Variants in DGKB observed in about 807,000 individuals in gnomAD.
DGKB encodes diacylglycerol kinase beta.
In DGKB, 67 loss-of-function variants were observed where a neutral mutation model predicts 114.3. That is an observed-to-expected ratio of 0.59 (90% CI 0.48 to 0.72). DGKB has a LOEUF of 0.72. Among genes scored for constraint, DGKB ranks in the 30% least tolerant of loss-of-function variants. The pLI is 0.00. For missense variants in DGKB, 907 were observed against 975.2 expected (o/e 0.93, Z 0.93); for synonymous variants, 398 against 323.1 (o/e 1.23, Z -2.49).
chr7:14,962,578 A>T (rs1254061814), intron 1 of DGKB, among the ~76,000 whole-genome samples: 2 of 151,802 alleles, frequency 1.3e-5, no homozygotes, highest in Non-Finnish European at 2.9e-5. Flanking sequence ...CTTTCACATA[A>T]CAGATTAATA....
intron 13 of DGKB, among the ~76,000 whole-genome samples, chr7:14,652,882 A>G (rs577061531): frequency 2.3e-3 from 352 of 152,336 alleles, no homozygotes; most frequent in African/African-American, 7.5e-3. Context: ...ACATTTATGC[A>G]GCCAAAAAAA....
At chr7:14,571,086 G>A (rs970798382) in intron 20 of DGKB, among the ~76,000 whole-genome samples, 3 of 152,174 alleles carry the variant, frequency 2.0e-5, no homozygotes, top group African/African-American at 7.2e-5. Flanking sequence ...ATTGCCAAAT[G>A]TCTTCCAGGA....
At chr7:14,919,090 AC>A (rs1562875407) in intron 1 of DGKB, among the ~76,000 whole-genome samples, 19 of 128,414 alleles carry the variant, frequency 1.5e-4, no homozygotes, top group South Asian at 8.5e-4. Context: ...ACACACACAC[AC>A]ACAAACACAC....
At chr7:14,867,802 T>G (rs1851898035) in intron 1 of DGKB, among the ~76,000 whole-genome samples, 1 of 152,146 alleles carries the variant, frequency 6.6e-6, no homozygotes, top group South Asian at 2.1e-4. Flanking sequence ...AGCATATGCA[T>G]GTAAAAACAA....
At chr7:14,938,995 G>A (rs529528875) in intron 1 of DGKB, among the ~76,000 whole-genome samples, 1 of 152,084 alleles carries the variant, frequency 6.6e-6, no homozygotes, top group African/African-American at 2.4e-5. Flanking sequence ...ATAAAAGGAG[G>A]CAAGGCATTT....
intron 21 of DGKB, among the ~76,000 whole-genome samples, chr7:14,429,679 T>C (rs920427518): frequency 2.0e-5 from 3 of 152,076 alleles, no homozygotes; most frequent in African/African-American, 4.8e-5. Flanking sequence ...TCCCAGCACT[T>C]TGAGAGGCCA....
intron 1 of DGKB, among the ~76,000 whole-genome samples, chr7:14,923,136 C>T (rs1405238890): frequency 6.6e-6 from 1 of 152,142 alleles, no homozygotes; most frequent in African/African-American, 2.4e-5. Flanking sequence ...TCTGATATTG[C>T]TATTGAGTCA....
intron 4 of DGKB, among the ~76,000 whole-genome samples, chr7:14,747,419 A>C (rs1467831399): frequency 2.0e-5 from 3 of 151,590 alleles, no homozygotes; most frequent in Non-Finnish European, 4.4e-5. Context: ...ATGTTTCTTC[A>C]ATGTGTTTCC....
intron 21 of DGKB, among the ~76,000 whole-genome samples, chr7:14,355,494 T>C (rs998229279): frequency 2.7e-4 from 41 of 152,234 alleles, no homozygotes; most frequent in Non-Finnish European, 4.0e-4. Flanking sequence ...TGAAGGGCTG[T>C]TGAATTTTGT....
At chr7:14,336,632 C>G (rs191475330) in intron 23 of DGKB, among the ~76,000 whole-genome samples, 1 of 152,064 alleles carries the variant, frequency 6.6e-6, no homozygotes, top group East Asian at 1.9e-4. Context: ...GGAAAGAGAG[C>G]GCTTTTCCAA....
At chr7:14,903,904 TCTTAA>T (rs895428151), upstream of DGKB, among the ~76,000 whole-genome samples, 3 of 152,142 alleles carry the variant, frequency 2.0e-5, no homozygotes, top group Non-Finnish European at 2.9e-5. Context: ...CCGTGGTTGC[TCTTAA>T]CTTATCTATA....
chr7:14,804,561 C>T (rs1842573173), intron 2 of DGKB, among the ~76,000 whole-genome samples: 1 of 152,070 alleles, frequency 6.6e-6, no homozygotes, highest in Non-Finnish European at 1.5e-5. Flanking sequence ...TGTGTGTCCT[C>T]TTTCAATTCT....
At chr7:14,653,924 C>T (rs1285899256) in intron 13 of DGKB, among the ~76,000 whole-genome samples, 1 of 152,032 alleles carries the variant, frequency 6.6e-6, no homozygotes, top group East Asian at 1.9e-4. Context: ...CCACAACTAA[C>T]AGTACACTGA....
At chr7:14,155,207 A>G (rs1221068587) in intron 25 of DGKB, among the ~76,000 whole-genome samples, 1 of 152,076 alleles carries the variant, frequency 6.6e-6, no homozygotes, top group African/African-American at 2.4e-5. Flanking sequence ...CCCTTTTTCT[A>G]GGCCCCCAAA....
chr7:14,719,834 A>G (rs1828845293), intron 5 of DGKB, among the ~76,000 whole-genome samples: 2 of 152,180 alleles, frequency 1.3e-5, no homozygotes, highest in Admixed American at 1.3e-4. Context: ...TGAGTGCCTA[A>G]TATGTGGCTG....
At chr7:14,311,593 C>T (rs6461082) in intron 23 of DGKB, among the ~76,000 whole-genome samples, 33,817 of 151,904 alleles carry the variant, frequency 0.22, 6,290 homozygotes, top group African/African-American at 0.51. Flanking sequence ...TGGCGAACTT[C>T]TTTTGTGTTT....
intron 20 of DGKB, among the ~76,000 whole-genome samples, chr7:14,544,016 T>C (rs1793899750): frequency 6.6e-6 from 1 of 152,222 alleles, no homozygotes; most frequent in African/African-American, 2.4e-5. Flanking sequence ...ATTGTATTGC[T>C]ATTAGTATAT....
chr7:14,447,223 A>AAATGG (rs139702968), intron 21 of DGKB, among the ~76,000 whole-genome samples: 148 of 152,046 alleles, frequency 9.7e-4, no homozygotes, highest in African/African-American at 3.4e-3. Flanking sequence ...CACATGAAAG[A>AAATGG]AATAGAACTC....
At chr7:14,925,264 C>A (rs1341798816) in intron 1 of DGKB, among the ~76,000 whole-genome samples, 1 of 152,180 alleles carries the variant, frequency 6.6e-6, no homozygotes, top group Non-Finnish European at 1.5e-5. Context: ...TGAACATGTG[C>A]TTTACTTCTC....
Sources: gnomAD v4.1 joint callset for allele counts (sites outside exome capture counted in the v4.1 genomes callset) on GRCh38, gnomAD v4.1.1 for gene constraint, MANE v1.5 for transcripts, NCBI Gene and HGNC (gene_info 2026-07-23, HGNC 2026-07-21) for gene names.